NTM: variants seen among roughly 807,000 people sequenced by gnomAD.
NTM encodes the protein neurotrimin, also known as IgLON family member 2.
Under a neutral mutation model 42.1 loss-of-function variants are expected in NTM, and 13 were observed. The observed-to-expected ratio is 0.31, with a 90% CI of 0.20 to 0.49. The LOEUF (loss-of-function observed/expected upper bound fraction) is 0.49, where lower values mean the gene tolerates loss of function less well. Ranked by LOEUF, NTM falls within the 20% of genes least tolerant of loss-of-function variation. The probability of loss-of-function intolerance (pLI) is 0.99; values close to 1 mark genes in which losing one functional copy is unlikely to be tolerated. For missense variants in NTM, 373 were observed against 452.8 expected (o/e 0.82, Z 1.60); for synonymous variants, 187 against 179.2 (o/e 1.04, Z -0.35).
chr11:131,457,698 C>T (rs542548160), intron 1 of NTM, among the ~76,000 whole-genome samples: 8 of 151,868 alleles, frequency 5.3e-5, no homozygotes, highest in African/African-American at 1.9e-4. Context: ...ATCATATGTG[C>T]AATGCACTAA....
At chr11:131,599,352 C>CCGGCAGATGCCCTGTGTACCCAGTCTG (rs1403076698) in intron 1 of NTM, among the ~76,000 whole-genome samples, 1 of 152,038 alleles carries the variant, frequency 6.6e-6, no homozygotes, top group African/African-American at 2.4e-5. Flanking sequence ...TACCCAGTCT[C>CCGGCAGATGCCCTGTGTACCCAGTCTG]CGGCAGATGC....
intron 1 of NTM, among the ~76,000 whole-genome samples, chr11:131,732,637 G>A (rs1319951888): frequency 6.6e-6 from 1 of 152,152 alleles, no homozygotes; most frequent in Non-Finnish European, 1.5e-5. Context: ...CAAGCCTAGT[G>A]TACTACTGTT....
chr11:132,176,255 G>A (rs1436124568), intron 3 of NTM, among the ~76,000 whole-genome samples: 30 of 151,968 alleles, frequency 2.0e-4, no homozygotes. Flanking sequence ...AGTTTGTTGG[G>A]TGGGGCTACT....
chr11:131,816,077 A>C (rs1301172102), intron 1 of NTM, among the ~76,000 whole-genome samples: 1 of 152,190 alleles, frequency 6.6e-6, no homozygotes, highest in Non-Finnish European at 1.5e-5. Context: ...TCATATTTCC[A>C]GATGTGAGGT....
chr11:132,315,037 G>A (rs947182904), intron 7 of NTM: 46 of 1,085,260 alleles, frequency 4.2e-5, no homozygotes, highest in East Asian at 5.6e-5. Context: ...AAAAGATCCC[G>A]AGATAGGAGA....
intron 1 of NTM, among the ~76,000 whole-genome samples, chr11:131,403,558 G>T (rs545012940): frequency 2.6e-5 from 4 of 152,216 alleles, no homozygotes; most frequent in African/African-American, 7.2e-5. Context: ...AACCCAATGT[G>T]GTCTGTGTCA....
chr11:131,389,589 G>T (rs1943758980), intron 1 of NTM, among the ~76,000 whole-genome samples: 1 of 152,164 alleles, frequency 6.6e-6, no homozygotes, highest in Non-Finnish European at 1.5e-5. Context: ...CTCCTGATCA[G>T]CTTGTGTTGA....
chr11:131,590,753 C>G (rs1056364288), intron 1 of NTM, among the ~76,000 whole-genome samples: 3 of 152,204 alleles, frequency 2.0e-5, no homozygotes, highest in Non-Finnish European at 2.9e-5. Flanking sequence ...GGTGAGGTAA[C>G]GGGCTTCCTA....
At chr11:131,997,868 G>A (rs955996720) in intron 2 of NTM, among the ~76,000 whole-genome samples, 2 of 152,114 alleles carry the variant, frequency 1.3e-5, no homozygotes, top group African/African-American at 4.8e-5. Flanking sequence ...TAGTACTGGG[G>A]TTTTGGCATT....
intron 4 of NTM, among the ~76,000 whole-genome samples, chr11:132,272,981 A>G (rs905888492): frequency 4.6e-5 from 7 of 152,062 alleles, no homozygotes; most frequent in African/African-American, 1.7e-4. Context: ...CACTAAGTAT[A>G]ATGTTAGCTT....
At chr11:131,723,912 G>A (rs764849299) in intron 1 of NTM, among the ~76,000 whole-genome samples, 12 of 152,144 alleles carry the variant, frequency 7.9e-5, no homozygotes, top group African/African-American at 1.4e-4. Flanking sequence ...AAGATATTGC[G>A]TCTATCTGCT....
intron 1 of NTM, among the ~76,000 whole-genome samples, chr11:131,585,878 C>A (rs1212443339): frequency 6.6e-6 from 1 of 152,184 alleles, no homozygotes; most frequent in Admixed American, 6.5e-5. Context: ...ACCATCTTTC[C>A]TTTCTTCTCC....
intron 2 of NTM, among the ~76,000 whole-genome samples, chr11:131,957,812 A>C (rs471677): frequency 0.25 from 36,684 of 149,614 alleles, 5,488 homozygotes; most frequent in East Asian, 0.72. Context: ...AGAGTCGTTT[A>C]GAGTCAGGGA....
chr11:131,568,666 C>T (rs1423664565), intron 1 of NTM, among the ~76,000 whole-genome samples: 1 of 152,168 alleles, frequency 6.6e-6, no homozygotes, highest in Non-Finnish European at 1.5e-5. Context: ...ATTTCTTCTG[C>T]ACATACTGGG....
At chr11:131,678,793 G>A (rs2695813) in intron 1 of NTM, among the ~76,000 whole-genome samples, 112,716 of 152,022 alleles carry the variant, frequency 0.74, 41,957 homozygotes, top group East Asian at 0.8. Flanking sequence ...GACTTCTGAC[G>A]CTCCGTGTGA....
intron 2 of NTM, among the ~76,000 whole-genome samples, chr11:131,937,400 G>A (rs1433210512): frequency 5.3e-5 from 8 of 152,174 alleles, no homozygotes; most frequent in African/African-American, 1.9e-4. Flanking sequence ...CAGGAGTTGT[G>A]TGGGTGGAAG....
intron 3 of NTM, among the ~76,000 whole-genome samples, chr11:132,151,067 GT>G (rs2071792800): frequency 6.6e-6 from 1 of 152,072 alleles, no homozygotes; most frequent in South Asian, 2.1e-4. Context: ...TGACCTTAGG[GT>G]TTTTTGCCTA....
At chr11:131,923,180 G>A (rs1319973947) in intron 2 of NTM, among the ~76,000 whole-genome samples, 1 of 152,088 alleles carries the variant, frequency 6.6e-6, no homozygotes. Context: ...AGAGAAGTCT[G>A]TTATTTATGT....
At chr11:131,753,104 A>C (rs2135719428) in intron 1 of NTM, among the ~76,000 whole-genome samples, 1 of 152,240 alleles carries the variant, frequency 6.6e-6, no homozygotes, top group East Asian at 1.9e-4. Flanking sequence ...ACTTCTCAAA[A>C]GAAGACATTT....
Sources: allele counts gnomAD v4.1 joint callset (sites outside exome capture counted in the v4.1 genomes callset), GRCh38; gene constraint gnomAD v4.1.1; transcripts MANE v1.5; gene names NCBI Gene and HGNC (gene_info 2026-07-23, HGNC 2026-07-21).